The following SORBS2 variants were observed in gnomAD, a reference collection of about 807,000 sequenced individuals.
The protein encoded by SORBS2 is sorbin and SH3 domain containing 2.
A neutral mutation model predicts 97.7 loss-of-function variants in SORBS2; 46 were observed. That is an observed-to-expected ratio of 0.47 (90% CI 0.37 to 0.60). The LOEUF (loss-of-function observed/expected upper bound fraction) is 0.60, where lower values mean the gene tolerates loss of function less well. Ranked by LOEUF, SORBS2 falls within the 20% of genes least tolerant of loss-of-function variation. The pLI, the probability that SORBS2 is intolerant of heterozygous loss-of-function variation, is 0.00. For missense variants in SORBS2, 1,316 were observed against 1,282.3 expected, an observed-to-expected ratio of 1.03 and a Z score of -0.40; for synonymous variants, 476 against 473.4, an observed-to-expected ratio of 1.01 and a Z score of -0.07.
intron 1 of SORBS2, among the ~76,000 whole-genome samples, chr4:185,939,248 T>C (rs34836741): frequency 0.38 from 57,191 of 152,030 alleles, 11,302 homozygotes; most frequent in East Asian, 0.65. Context: ...TCAGACAAAC[T>C]GACCCATTGT....
At position 185,737,446 on chromosome 4, in the gene SORBS2, A is replaced by G. The variant is rs907350163; in HGVS notation, c.-198+37781T>C. ...TTAGGGAGGCCTGTGCTGACAATACAGGTGCAATTCAAAAGAAATTCCATT... is the reference window on the plus strand; with the variant it reads ...TTAGGGAGGCCTGTGCTGACAATACGGGTGCAATTCAAAAGAAATTCCATT... On this transcript the variant is annotated intron_variant, in intron 2 of 20. Transcript: ENST00000284776. Among the ~76,000 whole-genome samples, 7 of 152,332 alleles carry G rather than the reference A, an allele frequency of 4.6e-5. No homozygotes were observed. The East Asian group carries it at 1.4e-3, about 29-fold the overall frequency.
At chr4:185,934,559 G>A (rs1222638109) in intron 1 of SORBS2, among the ~76,000 whole-genome samples, 2 of 151,948 alleles carry the variant, frequency 1.3e-5, no homozygotes, top group Non-Finnish European at 2.9e-5. Flanking sequence ...TCAGGAGTTC[G>A]ACACCAGCCT....
chr4:185,720,403 T>A (rs2098503219), intron 2 of SORBS2, among the ~76,000 whole-genome samples: 1 of 152,230 alleles, frequency 6.6e-6, no homozygotes, highest in African/African-American at 2.4e-5. Context: ...CTGTATTCCT[T>A]CTAACTGTCT....
intron 1 of SORBS2, among the ~76,000 whole-genome samples, chr4:185,799,564 G>A (rs1045326318): frequency 6.6e-6 from 1 of 152,132 alleles, no homozygotes; most frequent in African/African-American, 2.4e-5. Flanking sequence ...CTGAAGAGTG[G>A]CAGAAGCAGC....
intron 2 of SORBS2, among the ~76,000 whole-genome samples, chr4:185,692,918 A>G (rs962238097): frequency 6.6e-6 from 1 of 152,164 alleles, no homozygotes; most frequent in Admixed American, 6.5e-5. Context: ...ACTGATAATC[A>G]CCTCAGTATA....
chr4:185,646,984 G>A, intron 3 of SORBS2, among the ~76,000 whole-genome samples: 1 of 151,480 alleles, frequency 6.6e-6, no homozygotes, highest in South Asian at 2.1e-4. Flanking sequence ...GACGCGCAGA[G>A]AGTGAGTCCC....
At chr4:185,886,852 G>T (rs1204016049) in intron 1 of SORBS2, among the ~76,000 whole-genome samples, 1 of 152,200 alleles carries the variant, frequency 6.6e-6, no homozygotes, top group Non-Finnish European at 1.5e-5. Context: ...TATTTGAAAA[G>T]CTGGGCTTTG....
intron 2 of SORBS2, among the ~76,000 whole-genome samples, chr4:185,735,964 A>G (rs2098683446): frequency 6.6e-6 from 1 of 152,202 alleles, no homozygotes; most frequent in African/African-American, 2.4e-5. Context: ...CTCTTTTCCA[A>G]GTTCTTATAT....
chr4:185,933,629 C>A (rs115317197), intron 1 of SORBS2, among the ~76,000 whole-genome samples: 6,498 of 152,106 alleles, frequency 0.043, 145 homozygotes, highest in African/African-American at 0.074. Context: ...ATTCCCCTTG[C>A]GCGTGTGTCC....
intron 5 of SORBS2, among the ~76,000 whole-genome samples, chr4:185,629,952 A>G (rs1346195788): frequency 2.6e-5 from 4 of 152,194 alleles, no homozygotes; most frequent in East Asian, 1.9e-4. Context: ...CCTAGCGGTG[A>G]CAAGCTATCT....
chr4:185,693,644 G>A (rs2098130256), intron 2 of SORBS2, among the ~76,000 whole-genome samples: 1 of 152,122 alleles, frequency 6.6e-6, no homozygotes, highest in Admixed American at 6.5e-5. Flanking sequence ...ACTGCTTAAG[G>A]TTTTAAAACG....
chr4:185,663,129 T>C (rs1228385224), intron 4 of SORBS2, among the ~76,000 whole-genome samples: 3 of 152,202 alleles, frequency 2.0e-5, no homozygotes, highest in African/African-American at 7.2e-5. Context: ...ACAGTACTGA[T>C]CATTACAGGG....
chr4:185,861,756 C>T (rs924661291), intron 1 of SORBS2, among the ~76,000 whole-genome samples: 8 of 152,134 alleles, frequency 5.3e-5, no homozygotes, highest in African/African-American at 7.2e-5. Context: ...CAGGCACCTG[C>T]CACTGTGCCT....
intron 2 of SORBS2, among the ~76,000 whole-genome samples, chr4:185,701,649 G>T (rs2098264399): frequency 6.6e-6 from 1 of 152,172 alleles, no homozygotes; most frequent in African/African-American, 2.4e-5. Flanking sequence ...ATGTTAACAT[G>T]AACTATTATT....
intron 1 of SORBS2, among the ~76,000 whole-genome samples, chr4:185,881,313 T>C (rs2099236765): frequency 6.6e-6 from 1 of 152,088 alleles, no homozygotes; most frequent in African/African-American, 2.4e-5. Flanking sequence ...TCCAAATAAA[T>C]AATATTTCTC....
chr4:185,812,495 C>A (rs1160108352), intron 1 of SORBS2, among the ~76,000 whole-genome samples: 1 of 152,176 alleles, frequency 6.6e-6, no homozygotes, highest in East Asian at 1.9e-4. Context: ...TGTATGAAAT[C>A]GAGGAAGTGA....
intron 1 of SORBS2, among the ~76,000 whole-genome samples, chr4:185,883,962 T>C (rs1037179908): frequency 2.0e-5 from 3 of 152,252 alleles, no homozygotes; most frequent in African/African-American, 2.4e-5. Context: ...TACTGTATGA[T>C]GTTATCCATA....
chr4:185,897,535 T>G (rs948690357), intron 1 of SORBS2, among the ~76,000 whole-genome samples: 1 of 152,242 alleles, frequency 6.6e-6, no homozygotes, highest in Non-Finnish European at 1.5e-5. Flanking sequence ...TAAGAAAATT[T>G]GTACATCTTT....
chr4:185,937,820 T>A (rs2099269689), intron 1 of SORBS2, among the ~76,000 whole-genome samples: 1 of 151,842 alleles, frequency 6.6e-6, no homozygotes, highest in African/African-American at 2.4e-5. Flanking sequence ...TGCTGTGGAG[T>A]CGGCTCCAGC....
Sources: gnomAD v4.1 joint callset for allele counts (sites outside exome capture counted in the v4.1 genomes callset) on GRCh38, gnomAD v4.1.1 for gene constraint, MANE v1.5 for transcripts, NCBI Gene and HGNC (gene_info 2026-07-23, HGNC 2026-07-21) for gene names.